The following PITPNA variants were observed in gnomAD, a reference collection of about 807,000 sequenced individuals.
PITPNA encodes the protein phosphatidylinositol transfer protein alpha.
PITPNA carries 13 observed loss-of-function variants against 50.3 expected under a neutral mutation model. The ratio of observed to expected loss-of-function variants is 0.26; its 90% CI spans 0.17 to 0.41. The LOEUF (loss-of-function observed/expected upper bound fraction) is 0.41, where lower values mean the gene tolerates loss of function less well. Among genes scored for constraint, PITPNA ranks in the 10% least tolerant of loss-of-function variants. The pLI is 1.00. For synonymous variants in PITPNA, 120 were observed against 119.6 expected, an observed-to-expected ratio of 1.00 and a Z score of -0.02; for missense variants, 207 against 333.4, an observed-to-expected ratio of 0.62 and a Z score of 2.95.
intron 1 of PITPNA, among the ~76,000 whole-genome samples, chr17:1,561,531 C>A (rs138042036): frequency 6.6e-6 from 1 of 152,126 alleles, no homozygotes; most frequent in African/African-American, 2.4e-5. Flanking sequence ...CTCATCCCAA[C>A]ATACTCTCTT....
Position 1,562,331 on chromosome 17 carries a change from CGCCCCGGCCGCCCCTCCGT to C in PITPNA, c.20+191_20+209del, listed in dbSNP as rs1300709993. 1.3e-5 allele frequency among the ~76,000 whole-genome samples: 2 copies of C among 150,118 alleles called. No individual in the cohort carries two copies. The highest frequency in any genetic ancestry group is 2.5e-5 in the African/African-American group (1 of 40,718). On this transcript the variant is annotated intron_variant, in intron 1 of 11. Coordinates refer to ENST00000313486, the MANE Select transcript of PITPNA (RefSeq NM_006224.4). This position sits in a 1 kb window ranked among gnomAD's most constrained non-coding sequence, Gnocchi z 6.4. ...CCTCCACGCCCCGGCCGCCCCTCCA[CGCCCCGGCCGCCCCTCCGT>C]GCCCCGTGGGCCCCGCCTCACGTGC... is the stretch of plus-strand genomic sequence containing the variant.
intron 1 of PITPNA, among the ~76,000 whole-genome samples, chr17:1,560,528 G>A (rs545439695): frequency 6.6e-6 from 1 of 152,306 alleles, no homozygotes; most frequent in South Asian, 2.1e-4. Flanking sequence ...GGCTTCAAGG[G>A]GAGGAGAACA....
chr17:1,554,210 G>A (rs1417905727), intron 2 of PITPNA, among the ~76,000 whole-genome samples: 2 of 152,082 alleles, frequency 1.3e-5, no homozygotes, highest in Non-Finnish European at 2.9e-5. Context: ...CTACACCAAC[G>A]GATGTGTCTT....
chr17:1,536,733 A>C (rs1228655572), intron 7 of PITPNA, among the ~76,000 whole-genome samples: 1 of 150,814 alleles, frequency 6.6e-6, no homozygotes, highest in Non-Finnish European at 1.5e-5. Flanking sequence ...AGCTGGCATT[A>C]CAGGCGCCTG....
At chr17:1,533,319 C>T (rs1298668321) in intron 10 of PITPNA, among the ~76,000 whole-genome samples, 1 of 152,166 alleles carries the variant, frequency 6.6e-6, no homozygotes, top group Non-Finnish European at 1.5e-5. Context: ...CTGACCATAT[C>T]ACCTGCAAGA....
At chr17:1,554,390 ATT>A (rs61238602) in intron 2 of PITPNA, among the ~76,000 whole-genome samples, 4,063 of 66,014 alleles carry the variant, frequency 0.062, 96 homozygotes, top group South Asian at 0.11. Context: ...GTGTTTCTCT[ATT>A]TTTTTTTTTT....
rs941170200 is a variant in PITPNA, at chr17:1,517,779, A to T, written c.*2782T>A. ...AAAAGCAAAAGGACATCCTGTCAGT[A>T]GGAAACGGCCGAATTACAATTCAGA... On this transcript the variant is annotated 3_prime_UTR_variant, in exon 12 of 12. Transcript: ENST00000313486. 16 of 152,212 alleles carry T rather than the reference A, an allele frequency of 1.1e-4. No individual in the cohort carries two copies. Among genetic ancestry groups the T allele is most frequent in the Admixed American group, 1.0e-3 (16 of 15,282 alleles). 9.4% of individuals were successfully genotyped at this position (152,212 alleles called of 1,614,324 possible).
chr17:1,560,787 C>T (rs570745653), intron 1 of PITPNA, among the ~76,000 whole-genome samples: 11 of 152,172 alleles, frequency 7.2e-5, no homozygotes, highest in Non-Finnish European at 4.4e-5. Context: ...GGAAAAGCTC[C>T]GAGCCCTGGC....
chr17:1,560,754 C>T (rs925383601), intron 1 of PITPNA, among the ~76,000 whole-genome samples: 2 of 152,300 alleles, frequency 1.3e-5, no homozygotes, highest in Admixed American at 6.5e-5. Flanking sequence ...CTGTTGGCAT[C>T]GTAAAGTTCT....
rs2075772399 is a variant in PITPNA at position 1,562,287 on chromosome 17, G to A, written c.20+254C>T. 6.6e-6 allele frequency among the ~76,000 whole-genome samples: 1 copy of A among 150,672 alleles called. No individual in the cohort carries two copies. Among genetic ancestry groups the A allele is most frequent in the South Asian group, 2.1e-4 (1 of 4,766 alleles). Reference sequence around the variant, plus strand: ...ATGCCCCGTGGGCCCCGGCTCAGATGCCGAACGCCCCGGCTGCCCCTCCAC... The same window carrying A: ...ATGCCCCGTGGGCCCCGGCTCAGATACCGAACGCCCCGGCTGCCCCTCCAC... On this transcript the variant is annotated intron_variant, in intron 1 of 11. Coordinates refer to ENST00000313486, the MANE Select transcript of PITPNA (RefSeq NM_006224.4). The surrounding 1 kb of genome is among the most constrained non-coding windows in gnomAD (Gnocchi z 6.4).
intron 2 of PITPNA, 138 bp downstream of exon 2, chr17:1,558,391 C>T: frequency 4.6e-6 from 3 of 651,514 alleles, no homozygotes; most frequent in Admixed American, 2.8e-5. Flanking sequence ...GAAAGTGGCA[C>T]CACGAAATTC....
Position 1,519,519 on chromosome 17 carries a change from A to G in PITPNA, c.*1042T>C, listed in dbSNP as rs2075495898. 2.0e-5 allele frequency: 3 copies of G among 152,670 alleles called. No homozygotes were observed. Among genetic ancestry groups the G allele is most frequent in the East Asian group, 3.8e-4 (2 of 5,204 alleles). The allele number at this position is 152,670 out of a possible 1,614,324, so 9.5% of individuals were successfully genotyped here. On this transcript the variant is annotated 3_prime_UTR_variant, in exon 12 of 12. Coordinates refer to ENST00000313486, the MANE Select transcript of PITPNA (RefSeq NM_006224.4). ...TTGATCCCCAAATTCCTTTCCGGCA[A>G]CTGGAGACGAGGGAACATGTTCTGC...
At chr17:1,552,537 A>G (rs975798316) in intron 3 of PITPNA, among the ~76,000 whole-genome samples, 8 of 152,216 alleles carry the variant, frequency 5.3e-5, no homozygotes, top group African/African-American at 1.9e-4. Flanking sequence ...CGATTTCACG[A>G]TATCAGAATT....
At chr17:1,554,390 A>C (rs1425136322) in intron 2 of PITPNA, among the ~76,000 whole-genome samples, 1 of 66,092 alleles carries the variant, frequency 1.5e-5, no homozygotes, top group African/African-American at 5.7e-5. Context: ...GTGTTTCTCT[A>C]TTTTTTTTTT....
At chr17:1,561,617 C>T (rs1423249592) in intron 1 of PITPNA, among the ~76,000 whole-genome samples, 2 of 152,152 alleles carry the variant, frequency 1.3e-5, no homozygotes, top group African/African-American at 4.8e-5. Context: ...CTGGCCTCCT[C>T]GCCCAAGTCT....
intron 3 of PITPNA, among the ~76,000 whole-genome samples, chr17:1,548,904 T>G (rs528437912): frequency 5.1e-4 from 77 of 152,202 alleles, no homozygotes; most frequent in Admixed American, 4.0e-3. Context: ...AATTCTTTTT[T>G]TTTGTTTGTT....
intron 7 of PITPNA, among the ~76,000 whole-genome samples, chr17:1,537,780 A>T (rs972619956): frequency 1.3e-5 from 2 of 152,014 alleles, no homozygotes; most frequent in African/African-American, 4.8e-5. Flanking sequence ...TCTTTTCGGA[A>T]ATGCACAAAT....
intron 10 of PITPNA, among the ~76,000 whole-genome samples, chr17:1,524,081 G>C (rs1335520360): frequency 1.5e-5 from 2 of 137,388 alleles, no homozygotes; most frequent in East Asian, 4.3e-4. Context: ...GTCTCGCTCA[G>C]TCACCCAGGC....
chr17:1,533,931 T>C (rs1598406074), intron 10 of PITPNA, among the ~76,000 whole-genome samples, 168 bp downstream of exon 10: 1 of 152,002 alleles, frequency 6.6e-6, no homozygotes, highest in Admixed American at 6.6e-5. Flanking sequence ...GCACAGGCTG[T>C]TTTCTTCCGT....
Sources: allele counts gnomAD v4.1 joint callset (sites outside exome capture counted in the v4.1 genomes callset), GRCh38; gene constraint gnomAD v4.1.1; non-coding constraint Gnocchi (gnomAD v3.1); transcripts MANE v1.5; gene names NCBI Gene and HGNC (gene_info 2026-07-23, HGNC 2026-07-21).